The following ADAM10 variants were observed in gnomAD, a reference collection of about 807,000 sequenced individuals.
The protein encoded by ADAM10 is disintegrin and metalloproteinase domain-containing protein 10.
ADAM10 carries 17 observed loss-of-function variants against 90.1 expected under a neutral mutation model. The ratio of observed to expected loss-of-function variants is 0.19; its 90% CI spans 0.13 to 0.28. The LOEUF is 0.28. Ranked by LOEUF, ADAM10 falls within the 10% of genes least tolerant of loss-of-function variation. The pLI, the probability that ADAM10 is intolerant of heterozygous loss-of-function variation, is 1.00. For missense variants in ADAM10, 610 were observed against 914.3 expected (o/e 0.67, Z 4.29); for synonymous variants, 310 against 298.6 (o/e 1.04, Z -0.40).
At chr15:58,729,490 T>C (rs1325598324) in intron 1 of ADAM10, among the ~76,000 whole-genome samples, 1 of 152,188 alleles carries the variant, frequency 6.6e-6, no homozygotes, top group African/African-American at 2.4e-5. Flanking sequence ...TGACTCAGGC[T>C]CTACCCCAGA....
chr15:58,686,839 T>C (rs1897617029), intron 2 of ADAM10, among the ~76,000 whole-genome samples: 1 of 152,306 alleles, frequency 6.6e-6, no homozygotes, highest in East Asian at 1.9e-4. Flanking sequence ...GCTTGTTTTT[T>C]TGTGCAAGTA....
Position 58,610,352 on chromosome 15 carries a change from A to G in ADAM10, c.1970T>C (p.Leu657Pro). ...LVDADGPLAR[L>P]KKAIFSPELY... Reference sequence around the variant, plus strand: ...CTCTGGACTAAAAATTGCTTTTTTAAGCCTAGCTAGAGGACCATCAGCATC... The same window carrying G: ...CTCTGGACTAAAAATTGCTTTTTTAGGCCTAGCTAGAGGACCATCAGCATC... The change falls in exon 14 of 16, where the codon CTT (leucine) becomes CCT (proline). Residue 657 changes from leucine (L) to proline (P), a missense_variant. Transcript: ENST00000260408. The G allele has an allele frequency of 6.2e-7, 1 of 1,614,210 alleles. No homozygotes were observed. The highest frequency in any genetic ancestry group is 8.5e-7 in the Non-Finnish European group (1 of 1,180,034).
At position 58,611,177 on chromosome 15, in the gene ADAM10, A is replaced by T. The variant is rs867473838; in HGVS notation, c.1696-70T>A. On this transcript the variant is annotated intron_variant, in intron 12 of 15. Transcript: ENST00000260408. ...AAACCTATTTTTTATAGTAACAGAC[A>T]GGCAAGTATGAGCTTCCAATGTCAA... The T allele has an allele frequency of 9.0e-5, 101 of 1,117,798 alleles. 1 individual carries two copies. Among genetic ancestry groups the T allele is most frequent in the Middle Eastern group, 5.9e-4 (3 of 5,128 alleles). The allele number at this position is 1,117,798 out of a possible 1,614,324, so 69.2% of individuals were successfully genotyped here.
intron 2 of ADAM10, chr15:58,692,258 C>T (rs1454350201): frequency 1.7e-6 from 1 of 602,768 alleles, no homozygotes; most frequent in East Asian, 4.0e-5. Context: ...TGCTTGACTG[C>T]CAAGTGGTCT....
At chr15:58,704,860 C>A (rs1898234435) in intron 2 of ADAM10, among the ~76,000 whole-genome samples, 1 of 152,124 alleles carries the variant, frequency 6.6e-6, no homozygotes, top group East Asian at 1.9e-4. Flanking sequence ...AGGAGTAGAA[C>A]TCTAGTATTT....
chr15:58,646,991 G>T (rs7180487), intron 5 of ADAM10, among the ~76,000 whole-genome samples: 9,162 of 152,100 alleles, frequency 0.06, 760 homozygotes, highest in African/African-American at 0.18. Context: ...TACCTCTTCT[G>T]ATCTTGTTAA....
At chr15:58,689,328 T>C (rs1361767833) in intron 2 of ADAM10, among the ~76,000 whole-genome samples, 1 of 152,006 alleles carries the variant, frequency 6.6e-6, no homozygotes, top group Non-Finnish European at 1.5e-5. Flanking sequence ...TCTACTAAAA[T>C]ACAAAAAATT....
At chr15:58,619,869 A>C (rs1472630300) in intron 11 of ADAM10, among the ~76,000 whole-genome samples, 1 of 150,442 alleles carries the variant, frequency 6.6e-6, no homozygotes, top group Non-Finnish European at 1.5e-5. Flanking sequence ...GCGCCACTGC[A>C]CCCCAGCCTG....
chr15:58,686,366 A>C, intron 2 of ADAM10: 1 of 784,218 alleles, frequency 1.3e-6, no homozygotes, highest in Non-Finnish European at 2.1e-6. Flanking sequence ...TATCCTAATA[A>C]AGCTTAAAAA....
At chr15:58,745,114 C>G (rs1019408649) in intron 1 of ADAM10, among the ~76,000 whole-genome samples, 3 of 152,142 alleles carry the variant, frequency 2.0e-5, no homozygotes, top group African/African-American at 7.2e-5. Context: ...ACCTGGCAGA[C>G]GGAGGTTGCA....
In ADAM10 at chr15:58,592,851, T is replaced by G. The variant is rs1894853644; in HGVS notation, c.*4696A>C. On this transcript the variant is annotated 3_prime_UTR_variant, in exon 16 of 16. Coordinates refer to ENST00000260408, the MANE Select transcript of ADAM10 (RefSeq NM_001110.4). ...TTTATCAATGTCCCTCAAAAAACCT[T>G]TACCCCAACAATTCCACTTTTAGGA... 6.6e-6 allele frequency: 1 copy of G among 150,838 alleles called. No individual in the cohort carries two copies. The highest frequency in any genetic ancestry group is 2.1e-4 in the South Asian group (1 of 4,806). The allele number at this position is 150,838 out of a possible 1,614,324, so 9.3% of individuals were successfully genotyped here.
Position 58,671,241 on chromosome 15 carries a change from A to C in ADAM10, c.485-6044T>G, listed in dbSNP as rs1410802559. On this transcript the variant is annotated intron_variant, in intron 4 of 15. Coordinates refer to ENST00000260408, the MANE Select transcript of ADAM10 (RefSeq NM_001110.4). ...AAAACCAGTAAAATCCACATCTATA[A>C]ATTCTAGACTTTTATGTTCAAATAT... Among the ~76,000 whole-genome samples the C allele has an allele frequency of 2.0e-5, 3 of 152,188 alleles. No individual in the cohort carries two copies. The East Asian group carries it at 5.8e-4, about 29-fold the overall frequency.
intron 10 of ADAM10, 123 bp from the exon 11 acceptor site, chr15:58,621,744 C>T: frequency 1.6e-6 from 2 of 1,229,444 alleles, no homozygotes; most frequent in Non-Finnish European, 2.3e-6. Context: ...ATAAGTAGAA[C>T]AAACTAGGAA....
chr15:58,642,997 A>T (rs1896455293), intron 7 of ADAM10, among the ~76,000 whole-genome samples: 1 of 152,168 alleles, frequency 6.6e-6, no homozygotes, highest in African/African-American at 2.4e-5. Flanking sequence ...TTATCCAACC[A>T]CATTTGAAGA....
At chr15:58,691,909 C>A (rs1897821294) in intron 2 of ADAM10, among the ~76,000 whole-genome samples, 1 of 152,054 alleles carries the variant, frequency 6.6e-6, no homozygotes, top group Non-Finnish European at 1.5e-5. Flanking sequence ...CTCCTGACCT[C>A]AGGTGATCTG....
At chr15:58,723,261 A>G (rs941636705) in intron 1 of ADAM10, among the ~76,000 whole-genome samples, 2 of 152,130 alleles carry the variant, frequency 1.3e-5, no homozygotes, top group South Asian at 2.1e-4. Flanking sequence ...GGAATTCTCA[A>G]AAAAATTATA....
chr15:58,660,198 TA>T (rs1350707793), intron 5 of ADAM10, among the ~76,000 whole-genome samples: 5 of 152,108 alleles, frequency 3.3e-5, no homozygotes, highest in Non-Finnish European at 5.9e-5. Context: ...TTTTTCTTTT[TA>T]TTTTTTTTTA....
At chr15:58,607,216 G>A (rs1895302929) in intron 14 of ADAM10, among the ~76,000 whole-genome samples, 1 of 152,244 alleles carries the variant, frequency 6.6e-6, no homozygotes, top group African/African-American at 2.4e-5. Flanking sequence ...ATTAACTGGA[G>A]AGTTTTAAAA....
chr15:58,655,711 G>C (rs28857581), intron 5 of ADAM10, among the ~76,000 whole-genome samples: 15,886 of 53,598 alleles, frequency 0.3, 2,753 homozygotes, highest in East Asian at 0.75. Context: ...TATATATATA[G>C]TATATATATA....
Sources: allele counts gnomAD v4.1 joint callset (sites outside exome capture counted in the v4.1 genomes callset), GRCh38; gene constraint gnomAD v4.1.1; transcripts MANE v1.5; gene names NCBI Gene and HGNC (gene_info 2026-07-23, HGNC 2026-07-21).